Variants in RPS6KA2 observed in about 807,000 individuals in gnomAD.
RPS6KA2 encodes ribosomal protein S6 kinase alpha-2.
A neutral mutation model predicts 91.8 loss-of-function variants in RPS6KA2; 42 were observed. The ratio of observed to expected loss-of-function variants is 0.46; its 90% CI spans 0.36 to 0.59. The LOEUF (loss-of-function observed/expected upper bound fraction) is 0.59, where lower values mean the gene tolerates loss of function less well. Among genes scored for constraint, RPS6KA2 ranks in the 20% least tolerant of loss-of-function variants. The pLI is 0.00. For synonymous variants in RPS6KA2, 414 were observed against 393.6 expected (o/e 1.05, Z -0.61); for missense variants, 798 against 978.5 (o/e 0.82, Z 2.46).
intron 2 of RPS6KA2, among the ~76,000 whole-genome samples, chr6:166,707,985 C>T (rs1789729550): frequency 6.6e-6 from 1 of 152,200 alleles, no homozygotes; most frequent in South Asian, 2.1e-4. Flanking sequence ...CTTAAGTATT[C>T]CACCTGCCTC....
chr6:166,584,847 G>A (rs77234597), intron 1 of RPS6KA2, among the ~76,000 whole-genome samples: 1,796 of 152,254 alleles, frequency 0.012, 40 homozygotes, highest in African/African-American at 0.04. Context: ...TGCAATATTG[G>A]TCCAGAAACT....
At chr6:166,599,097 G>A (rs552376714) in intron 1 of RPS6KA2, among the ~76,000 whole-genome samples, 22 of 152,348 alleles carry the variant, frequency 1.4e-4, no homozygotes, top group South Asian at 6.2e-4. Flanking sequence ...CACCTGGTGC[G>A]TGCCATATGT....
intron 10 of RPS6KA2, among the ~76,000 whole-genome samples, chr6:166,474,319 A>T (rs898525313): frequency 1.3e-5 from 2 of 152,234 alleles, no homozygotes; most frequent in Non-Finnish European, 2.9e-5. Context: ...AGCAACGGAA[A>T]ACCTCTGCCC....
At chr6:166,584,309 G>A (rs1785106528) in intron 1 of RPS6KA2, among the ~76,000 whole-genome samples, 1 of 152,176 alleles carries the variant, frequency 6.6e-6, no homozygotes, top group Non-Finnish European at 1.5e-5. Flanking sequence ...TCGAATCAGG[G>A]CCCCAGGCTT....
chr6:166,829,241 T>C (rs1780118049), intron 2 of RPS6KA2, among the ~76,000 whole-genome samples: 1 of 152,122 alleles, frequency 6.6e-6, no homozygotes, highest in Non-Finnish European at 1.5e-5. Flanking sequence ...CTGGTGGAAA[T>C]GTAAAATAGT....
chr6:166,427,703 T>C (rs1583118761), intron 16 of RPS6KA2, among the ~76,000 whole-genome samples: 1 of 152,286 alleles, frequency 6.6e-6, no homozygotes, highest in South Asian at 2.1e-4. Flanking sequence ...CCATTCACAA[T>C]TGCTTCAAAG....
At chr6:166,672,923 G>A (rs187412307) in intron 2 of RPS6KA2, among the ~76,000 whole-genome samples, 157 of 152,268 alleles carry the variant, frequency 1.0e-3, no homozygotes, top group African/African-American at 3.5e-3. Flanking sequence ...ACTCTTCCGC[G>A]TCCCTGGCTT....
intron 2 of RPS6KA2, among the ~76,000 whole-genome samples, chr6:166,686,569 C>G (rs1789023244): frequency 6.6e-6 from 1 of 152,212 alleles, no homozygotes; most frequent in Non-Finnish European, 1.5e-5. Flanking sequence ...GATCCTGCAG[C>G]CCATGTGGCT....
chr6:166,563,165 G>C lies in RPS6KA2; in HGVS notation c.100-24381C>G, dbSNP rs1294628106. Among the ~76,000 whole-genome samples the C allele has an allele frequency of 1.3e-5, 2 of 152,176 alleles. No homozygotes were observed. Among genetic ancestry groups the C allele is most frequent in the Non-Finnish European group, 2.9e-5 (2 of 68,022 alleles). The stretch of plus-strand genomic sequence containing the variant: ...GGGAGTGGACGAAGTTTATTCTGGA[G>C]ACAACAAGGGGTCCTGGTGGCTTTT... On this transcript the variant is annotated intron_variant, in intron 1 of 20. Transcript: ENST00000265678. The surrounding 1 kb of genome is among the most constrained non-coding windows in gnomAD (Gnocchi z 4.1).
intron 11 of RPS6KA2, among the ~76,000 whole-genome samples, chr6:166,468,497 G>C (rs1394624791): frequency 1.3e-5 from 2 of 152,144 alleles, no homozygotes; most frequent in African/African-American, 4.8e-5. Context: ...ATTCCCAGAG[G>C]AGAGGTCTGG....
chr6:166,831,586 T>C (rs1380951328), intron 2 of RPS6KA2, among the ~76,000 whole-genome samples: 2 of 151,818 alleles, frequency 1.3e-5, no homozygotes, highest in Admixed American at 6.6e-5. Context: ...GACGCTCCCT[T>C]AGGGAACAGG....
chr6:166,788,024 GA>G (rs1778978427), intron 2 of RPS6KA2, among the ~76,000 whole-genome samples: 1 of 141,434 alleles, frequency 7.1e-6, no homozygotes, highest in Non-Finnish European at 1.5e-5. Flanking sequence ...CAAAGGATAT[GA>G]ACCGACACTT....
In RPS6KA2 at chr6:166,588,159, G is replaced by A. The variant is rs537964843; in HGVS notation, c.99+38762C>T. Among the ~76,000 whole-genome samples, 104 of 152,214 alleles carry A rather than the reference G, an allele frequency of 6.8e-4. No homozygotes were observed. The Middle Eastern group carries it at 0.01, about 15-fold the overall frequency. On this transcript the variant is annotated intron_variant, in intron 1 of 20. Coordinates refer to ENST00000265678, the MANE Select transcript of RPS6KA2 (RefSeq NM_021135.6). Reference sequence around the variant, plus strand: ...CTGAAGTAAACAAGGCAGGAGCTCAGCTCCATCCCAGGGCCCTCACCCTCC... The same window carrying A: ...CTGAAGTAAACAAGGCAGGAGCTCAACTCCATCCCAGGGCCCTCACCCTCC...
chr6:166,449,790 G>C (rs1779795519), intron 13 of RPS6KA2, among the ~76,000 whole-genome samples: 1 of 116,454 alleles, frequency 8.6e-6, no homozygotes, highest in Admixed American at 9.3e-5. Flanking sequence ...GGACCACCAT[G>C]GGAGCCACCA....
rs992953751 is a variant in RPS6KA2, at chr6:166,433,758, C to T, written c.1333-1268G>A. Among the ~76,000 whole-genome samples the T allele has an allele frequency of 2.6e-5, 4 of 152,060 alleles. No homozygotes were observed. Among genetic ancestry groups the T allele is most frequent in the African/African-American group, 4.8e-5 (2 of 41,410 alleles). On this transcript the variant is annotated intron_variant, in intron 14 of 20. Transcript: ENST00000265678. The surrounding 1 kb of genome is among the most constrained non-coding windows in gnomAD (Gnocchi z 4.4). ...CAGAGCTTTGCATAAAACTCTATTT[C>T]GTTAATTTTTTTTGGAGACAGGGTC...
chr6:166,545,943 C>A (rs1281249746), intron 1 of RPS6KA2, among the ~76,000 whole-genome samples: 1 of 152,134 alleles, frequency 6.6e-6, no homozygotes, highest in Non-Finnish European at 1.5e-5. Context: ...ACATGGGCTC[C>A]CAGTCCTGAC....
At chr6:166,571,128 A>G (rs1784673889) in intron 1 of RPS6KA2, among the ~76,000 whole-genome samples, 1 of 152,238 alleles carries the variant, frequency 6.6e-6, no homozygotes, top group Non-Finnish European at 1.5e-5. Context: ...CCGGCCCCGC[A>G]TGCCCAGCAG....
Position 166,448,987 on chromosome 6 carries a change from C to T in RPS6KA2, c.1207-138G>A, listed in dbSNP as rs1320597764. The T allele has an allele frequency of 1.0e-6, 1 of 987,666 alleles. No individual in the cohort carries two copies. The highest frequency in any genetic ancestry group is 1.5e-6 in the Non-Finnish European group (1 of 664,464). The allele number at this position is 987,666 out of a possible 1,614,324, so 61.2% of individuals were successfully genotyped here. A position where few individuals can be genotyped will look rare whatever the true frequency, so the allele number is the denominator to read the frequency against. ...TGTGGAGGCCTGGGAGCTCATGGGT[C>T]CCCCTGCCCAAGGCTGCAGAGCTAC... On this transcript the variant is annotated intron_variant, in intron 13 of 20. Coordinates refer to ENST00000265678, the MANE Select transcript of RPS6KA2 (RefSeq NM_021135.6). The surrounding 1 kb of genome is among the most constrained non-coding windows in gnomAD (Gnocchi z 4.7).
intron 17 of RPS6KA2, among the ~76,000 whole-genome samples, chr6:166,422,414 C>G: frequency 6.6e-6 from 1 of 152,138 alleles, no homozygotes; most frequent in East Asian, 1.9e-4. Context: ...CCTGGCTGCT[C>G]GCTTGACTCC....
Sources: allele counts gnomAD v4.1 joint callset (sites outside exome capture counted in the v4.1 genomes callset), GRCh38; gene constraint gnomAD v4.1.1; non-coding constraint Gnocchi (gnomAD v3.1); transcripts MANE v1.5; gene names NCBI Gene and HGNC (gene_info 2026-07-23, HGNC 2026-07-21).